The following NOSTRIN variants were observed in gnomAD, a reference collection of about 807,000 sequenced individuals.
NOSTRIN encodes the protein nitric oxide synthase trafficking.
A neutral mutation model predicts 59.0 loss-of-function variants in NOSTRIN; 63 were observed. That is an observed-to-expected ratio of 1.07 (90% CI 0.87 to 1.32). The LOEUF (loss-of-function observed/expected upper bound fraction) is 1.32. Among genes scored for constraint, NOSTRIN ranks in the 40% most tolerant of loss-of-function variants. The probability of loss-of-function intolerance (pLI) is 0.00; values close to 1 mark genes in which losing one functional copy is unlikely to be tolerated. For missense variants in NOSTRIN, 512 were observed against 473.1 expected, an observed-to-expected ratio of 1.08 and a Z score of -0.76; for synonymous variants, 200 against 165.4, an observed-to-expected ratio of 1.21 and a Z score of -1.61.
At chr2:168,837,274 T>C (rs1687781847) in intron 7 of NOSTRIN, among the ~76,000 whole-genome samples, 1 of 151,708 alleles carries the variant, frequency 6.6e-6, no homozygotes, top group Non-Finnish European at 1.5e-5. Flanking sequence ...TACATCTTTT[T>C]TTTTTATAAT....
intron 2 of NOSTRIN, among the ~76,000 whole-genome samples, chr2:168,789,492 GC>G (rs1386305861): frequency 1.3e-5 from 2 of 152,170 alleles, no homozygotes; most frequent in African/African-American, 2.4e-5. Flanking sequence ...AGAAGCACCT[GC>G]CCCAATAACT....
At chr2:168,817,735 A>G (rs1335358736) in intron 2 of NOSTRIN, among the ~76,000 whole-genome samples, 2 of 152,170 alleles carry the variant, frequency 1.3e-5, no homozygotes, top group Admixed American at 6.5e-5. Flanking sequence ...CTAGACCCTC[A>G]AGAAGGGCAT....
chr2:168,806,138 C>T (rs189475579), intron 1 of NOSTRIN, among the ~76,000 whole-genome samples: 244 of 152,168 alleles, frequency 1.6e-3, no homozygotes, highest in Middle Eastern at 3.4e-3. Flanking sequence ...AACATCACCC[C>T]CAGTGAATCA....
intron 1 of NOSTRIN, among the ~76,000 whole-genome samples, chr2:168,811,172 A>T (rs577553696): frequency 6.6e-6 from 1 of 152,278 alleles, no homozygotes; most frequent in Non-Finnish European, 1.5e-5. Context: ...GAGCCCCAGA[A>T]ATATTATTTT....
At chr2:168,844,390 G>GT (rs755891339) in intron 8 of NOSTRIN, among the ~76,000 whole-genome samples, 2 of 87,192 alleles carry the variant, frequency 2.3e-5, no homozygotes, top group Admixed American at 1.1e-4. Context: ...CCTGTTTTAA[G>GT]TTTAAAAAAA....
chr2:168,804,058 C>T (rs747469836), intron 1 of NOSTRIN, among the ~76,000 whole-genome samples: 44 of 152,118 alleles, frequency 2.9e-4, no homozygotes, highest in Admixed American at 5.9e-4. Flanking sequence ...GGACAGAAGA[C>T]AGGGAAATGG....
Position 168,864,925 on chromosome 2 carries a change from G to A in NOSTRIN, c.1476G>A (p.Val492=). The A allele has an allele frequency of 6.2e-7, 1 of 1,614,066 alleles. No homozygotes were observed. Among genetic ancestry groups the A allele is most frequent in the Non-Finnish European group, 8.5e-7 (1 of 1,180,004 alleles). The stretch of plus-strand genomic sequence containing the variant: ...AAGGCCATTTTCCTGCCGCTTATGT[G>A]GAGGAGTTACCTTCAAATGCTGGCA... ...GKKGHFPAAY[V]EELPSNAGNT... is the part of the protein sequence containing the mutation. Residue 492 remains valine (V), a synonymous_variant, in exon 16 of 16, where the codon GTG becomes GTA. Transcript: ENST00000317647.
At chr2:168,790,050 T>A (rs1348319900) in intron 2 of NOSTRIN, among the ~76,000 whole-genome samples, 1 of 152,222 alleles carries the variant, frequency 6.6e-6, no homozygotes, top group Non-Finnish European at 1.5e-5. Context: ...AGCTCATTCT[T>A]GTTTTAGTCA....
chr2:168,795,814 A>G (rs536585563), upstream of NOSTRIN, among the ~76,000 whole-genome samples: 19 of 152,204 alleles, frequency 1.2e-4, no homozygotes, highest in Non-Finnish European at 2.1e-4. Flanking sequence ...AGATGCTACA[A>G]ATTAGGCTGG....
chr2:168,861,436 T>C (rs1006555468), intron 14 of NOSTRIN, among the ~76,000 whole-genome samples: 12 of 151,770 alleles, frequency 7.9e-5, no homozygotes, highest in Non-Finnish European at 1.5e-4. Context: ...TGTTCAAGTA[T>C]AATTACCATA....
At chr2:168,792,678 G>A (rs1685388582) in intron 2 of NOSTRIN, among the ~76,000 whole-genome samples, 1 of 151,706 alleles carries the variant, frequency 6.6e-6, no homozygotes, top group Non-Finnish European at 1.5e-5. Context: ...CACAGTTTTC[G>A]CCATGTTGCT....
chr2:168,798,726 C>T (rs1247297644), upstream of NOSTRIN, among the ~76,000 whole-genome samples: 1 of 152,078 alleles, frequency 6.6e-6, no homozygotes, highest in African/African-American at 2.4e-5. Context: ...GAACAGAGAA[C>T]TCAAAAGGAC....
At chr2:168,845,251 CA>C (rs1688344072) in intron 8 of NOSTRIN, among the ~76,000 whole-genome samples, 1 of 152,178 alleles carries the variant, frequency 6.6e-6, no homozygotes, top group South Asian at 2.1e-4. Flanking sequence ...GATCTTGCCT[CA>C]CCTCACCTCA....
intron 1 of NOSTRIN, among the ~76,000 whole-genome samples, chr2:168,808,040 C>A (rs1685950797): frequency 6.6e-6 from 1 of 152,190 alleles, no homozygotes; most frequent in African/African-American, 2.4e-5. Flanking sequence ...TATAAACTTT[C>A]AGCATGGCCT....
At chr2:168,789,073 C>A (rs909110940) in intron 2 of NOSTRIN, among the ~76,000 whole-genome samples, 1 of 152,158 alleles carries the variant, frequency 6.6e-6, no homozygotes, top group African/African-American at 2.4e-5. Context: ...GGAACCAGGG[C>A]TCCTTGAAGA....
chr2:168,788,589 G>C (rs1259239770), intron 2 of NOSTRIN, among the ~76,000 whole-genome samples: 1 of 152,156 alleles, frequency 6.6e-6, no homozygotes, highest in Non-Finnish European at 1.5e-5. Flanking sequence ...CAGAGGGGCA[G>C]CCTGGCATGA....
At chr2:168,791,028 A>G (rs527429863) in intron 2 of NOSTRIN, among the ~76,000 whole-genome samples, 1 of 152,178 alleles carries the variant, frequency 6.6e-6, no homozygotes, top group Non-Finnish European at 1.5e-5. Context: ...GTTTTAGGGT[A>G]CATGTCACAA....
At chr2:168,817,104 C>A (rs2461363) in intron 2 of NOSTRIN, among the ~76,000 whole-genome samples, 12,606 of 152,256 alleles carry the variant, frequency 0.083, 583 homozygotes, top group East Asian at 0.13. Flanking sequence ...ATCTCACAAC[C>A]CACAGCGTAC....
intron 15 of NOSTRIN, among the ~76,000 whole-genome samples, chr2:168,862,257 CA>C (rs1388770030): frequency 6.6e-6 from 1 of 152,228 alleles, no homozygotes; most frequent in African/African-American, 2.4e-5. Context: ...GACATTGTTG[CA>C]GGCCTATTGT....
Sources: allele counts gnomAD v4.1 joint callset (sites outside exome capture counted in the v4.1 genomes callset), GRCh38; gene constraint gnomAD v4.1.1; transcripts MANE v1.5; gene names NCBI Gene and HGNC (gene_info 2026-07-23, HGNC 2026-07-21).